Variants in BDNF observed in about 807,000 individuals in gnomAD.
BDNF encodes the protein neurotrophic factor BDNF precursor form.
BDNF carries 1 observed loss-of-function variant against 19.5 expected under a neutral mutation model. That is an observed-to-expected ratio of 0.05 (90% CI 0.02 to 0.24). The LOEUF (loss-of-function observed/expected upper bound fraction) is 0.24. Ranked by LOEUF, BDNF falls within the 10% of genes least tolerant of loss-of-function variation. BDNF has a pLI of 1.00. For synonymous variants in BDNF, 100 were observed against 121.6 expected, an observed-to-expected ratio of 0.82 and a Z score of 1.17; for missense variants, 195 against 317.6, an observed-to-expected ratio of 0.61 and a Z score of 2.93.
intron 1 of BDNF, among the ~76,000 whole-genome samples, chr11:27,691,702 A>T (rs1858319850): frequency 6.6e-6 from 1 of 152,174 alleles, no homozygotes; most frequent in Admixed American, 6.5e-5. Flanking sequence ...CATGTTGCTT[A>T]ATCTCCAGCT....
At chr11:27,666,473 C>A (rs970266703) in intron 1 of BDNF, among the ~76,000 whole-genome samples, 2 of 152,118 alleles carry the variant, frequency 1.3e-5, no homozygotes, top group Non-Finnish European at 2.9e-5. Context: ...ATAACAAACT[C>A]CTCCGAGCTA....
At chr11:27,717,860 A>AGTGT (rs56730757) in intron 1 of BDNF, among the ~76,000 whole-genome samples, 1,494 of 147,502 alleles carry the variant, frequency 0.01, 12 homozygotes, top group African/African-American at 0.016. Context: ...TTACAAGTTG[A>AGTGT]GTGTGTGTGT....
chr11:27,661,624 C>A (rs2133812666), intron 1 of BDNF, among the ~76,000 whole-genome samples: 1 of 152,300 alleles, frequency 6.6e-6, no homozygotes, highest in African/African-American at 2.4e-5. Context: ...TATTCTCTTA[C>A]ACAAAAACTG....
chr11:27,667,160 C>T (rs1183562880), intron 1 of BDNF, among the ~76,000 whole-genome samples: 1 of 152,078 alleles, frequency 6.6e-6, no homozygotes, highest in African/African-American at 2.4e-5. Context: ...TCATATCCAG[C>T]CAAACTAAGC....
chr11:27,683,570 G>A lies in BDNF; in HGVS notation c.-22+16594C>T, dbSNP rs372130227. ...TGTTTAAGTCTTTAATCCATCTTGA[G>A]TTAATTTTTGTATAACGTGTAAGGA... is the stretch of plus-strand genomic sequence containing the variant. On this transcript the variant is annotated intron_variant, in intron 1 of 1. Transcript: ENST00000356660. Among the ~76,000 whole-genome samples, 107 of 152,174 alleles carry A rather than the reference G, an allele frequency of 7.0e-4. 5 individuals carry two copies. In the South Asian group the frequency reaches 0.022, roughly 31 times the overall value.
intron 1 of BDNF, among the ~76,000 whole-genome samples, chr11:27,695,784 A>G (rs746573286): frequency 2.7e-5 from 4 of 150,902 alleles, no homozygotes; most frequent in African/African-American, 7.3e-5. Flanking sequence ...TCAAACATCA[A>G]TCTATAAATG....
chr11:27,656,557 C>G lies in BDNF; in HGVS notation c.*1264G>C. On this transcript the variant is annotated 3_prime_UTR_variant, in exon 2 of 2. Transcript: ENST00000356660. ...TTGGGATGGCCACTCAGAAATTCCT[C>G]CCGCACTGCCGGTAAATGCAATGCC... is the stretch of plus-strand genomic sequence containing the variant. 1.0e-6 allele frequency: 1 copy of G among 985,880 alleles called. No individual in the cohort carries two copies. The highest frequency in any genetic ancestry group is 1.2e-6 in the Non-Finnish European group (1 of 829,982). The allele number at this position is 985,880 out of a possible 1,614,324, so 61.1% of individuals were successfully genotyped here.
At chr11:27,699,493 C>T in intron 1 of BDNF, 1 of 1,613,812 alleles carries the variant, frequency 6.2e-7, no homozygotes, top group Non-Finnish European at 8.5e-7. Flanking sequence ...CTGGAGGGCG[C>T]TTCAGAAGAG....
At chr11:27,689,096 G>A (rs1167788779) in intron 1 of BDNF, among the ~76,000 whole-genome samples, 1 of 152,182 alleles carries the variant, frequency 6.6e-6, no homozygotes, top group Non-Finnish European at 1.5e-5. Context: ...CTCTGCTGGA[G>A]ACAAAGGTGG....
intron 1 of BDNF, chr11:27,699,336 G>C (rs749900836): frequency 6.2e-7 from 1 of 1,611,326 alleles, no homozygotes; most frequent in East Asian, 2.2e-5. Context: ...GTCAGGCACA[G>C]AGCCCCCAAT....
At chr11:27,688,304 G>A (rs761172994) in intron 1 of BDNF, among the ~76,000 whole-genome samples, 1 of 152,240 alleles carries the variant, frequency 6.6e-6, no homozygotes, top group Non-Finnish European at 1.5e-5. Context: ...AGCTGTGCTG[G>A]CAGTGAGAAT....
At chr11:27,691,994 C>CT (rs1858363555) in intron 1 of BDNF, among the ~76,000 whole-genome samples, 1 of 151,974 alleles carries the variant, frequency 6.6e-6, no homozygotes. Flanking sequence ...TTGATAAGAA[C>CT]TTTTTTTTCC....
intron 1 of BDNF, among the ~76,000 whole-genome samples, chr11:27,684,859 T>C (rs1287783441): frequency 1.3e-5 from 2 of 152,152 alleles, no homozygotes; most frequent in South Asian, 4.1e-4. Flanking sequence ...CCTACAATTT[T>C]ATTTTTTTGC....
chr11:27,699,247 T>C, intron 1 of BDNF: 1 of 964,368 alleles, frequency 1.0e-6, no homozygotes, highest in Non-Finnish European at 1.5e-6. Context: ...AAACACTGCA[T>C]CCTCCAGTTC....
At chr11:27,700,806 G>T (rs1859845759), upstream of BDNF, 1 of 1,208,508 alleles carries the variant, frequency 8.3e-7, no homozygotes, top group Non-Finnish European at 1.1e-6. Flanking sequence ...CGCGTCCCGC[G>T]CCCTCTGCAG....
intron 1 of BDNF, among the ~76,000 whole-genome samples, chr11:27,681,689 G>A (rs1192036658): frequency 3.3e-5 from 5 of 152,132 alleles, no homozygotes; most frequent in African/African-American, 4.8e-5. Flanking sequence ...GAAGCATGCT[G>A]ATTAAACTTT....
At position 27,658,502 on chromosome 11, in the gene BDNF, C is replaced by A; in HGVS notation, c.63G>T (p.Met21Ile). The change falls in exon 2 of 2, where the codon ATG becomes ATT. Residue 21 changes from methionine (M) to isoleucine (I), a missense_variant. Transcript: ENST00000356660. The surrounding 1 kb of genome is among the most constrained non-coding windows in gnomAD (Gnocchi z 5.7). ...SYFGCMKAAPMKEANIRGQGG... is the reference protein window; with the variant it reads ...SYFGCMKAAPIKEANIRGQGG... ...CTTGTCCTCGGATGTTTGCTTCTTT[C>A]ATGGGGGCAGCCTTCATGCAACCAA... 1 of 1,614,172 alleles carries A rather than the reference C, an allele frequency of 6.2e-7. No individual in the cohort carries two copies.
chr11:27,719,726 G>A, intron 1 of BDNF: 2 of 527,636 alleles, frequency 3.8e-6, no homozygotes, highest in Non-Finnish European at 4.8e-6. Flanking sequence ...GATGGAGGCT[G>A]GAGGAGGGGG....
intron 1 of BDNF, chr11:27,675,205 A>G (rs1024704836): frequency 6.6e-6 from 1 of 152,284 alleles, no homozygotes; most frequent in African/African-American, 2.4e-5. Context: ...AAAGCCCCAT[A>G]TGAGCATTTC....
Sources: gnomAD v4.1 joint callset for allele counts (sites outside exome capture counted in the v4.1 genomes callset) on GRCh38, gnomAD v4.1.1 for gene constraint, Gnocchi (gnomAD v3.1) non-coding constraint, MANE v1.5 for transcripts, NCBI Gene and HGNC (gene_info 2026-07-23, HGNC 2026-07-21) for gene names.